Variants in MYO3B observed in about 807,000 individuals in gnomAD.
MYO3B encodes myosin-IIIb.
MYO3B carries 156 observed loss-of-function variants against 174.6 expected under a neutral mutation model. That is an observed-to-expected ratio of 0.89 (90% CI 0.78 to 1.02). The LOEUF (loss-of-function observed/expected upper bound fraction) is 1.02. Among genes scored for constraint, MYO3B ranks in the 50% least tolerant of loss-of-function variants. The pLI is 0.00. For missense variants in MYO3B, 1,632 were observed against 1,639.4 expected (o/e 1.00, Z 0.08); for synonymous variants, 563 against 569.1 (o/e 0.99, Z 0.15).
intron 12 of MYO3B, among the ~76,000 whole-genome samples, chr2:170,385,088 G>A (rs796510299): frequency 1.1e-4 from 16 of 152,108 alleles, no homozygotes; most frequent in African/African-American, 3.9e-4. Context: ...CAGCCAAATA[G>A]AAGAGACACA....
chr2:170,329,139 G>A (rs2093891568), intron 7 of MYO3B, among the ~76,000 whole-genome samples: 1 of 145,764 alleles, frequency 6.9e-6, no homozygotes, highest in African/African-American at 2.8e-5. Flanking sequence ...GCGACTGAGT[G>A]AGACTCTGTC....
At chr2:170,494,352 A>T (rs906606750) in intron 25 of MYO3B, among the ~76,000 whole-genome samples, 2 of 152,228 alleles carry the variant, frequency 1.3e-5, no homozygotes, top group East Asian at 1.9e-4. Flanking sequence ...GTGATAGCTT[A>T]TATGTTTTAA....
At chr2:170,548,865 G>A (rs539784479) in intron 32 of MYO3B, among the ~76,000 whole-genome samples, 5 of 152,142 alleles carry the variant, frequency 3.3e-5, no homozygotes, top group Non-Finnish European at 7.4e-5. Context: ...CAGATTCTCT[G>A]TTTAATTTTT....
At chr2:170,586,288 T>G (rs927971123) in intron 32 of MYO3B, among the ~76,000 whole-genome samples, 28 of 152,324 alleles carry the variant, frequency 1.8e-4, no homozygotes, top group African/African-American at 6.5e-4. Context: ...TGACCTAAAG[T>G]TCACAGGTCC....
chr2:170,332,139 A>C (rs1486919251), intron 7 of MYO3B: 2 of 152,230 alleles, frequency 1.3e-5, no homozygotes, highest in Admixed American at 6.6e-5. Context: ...GGGAGAATGT[A>C]GAATCCAGGT....
chr2:170,221,904 G>T (rs1337635690), intron 6 of MYO3B, among the ~76,000 whole-genome samples: 1 of 152,126 alleles, frequency 6.6e-6, no homozygotes, highest in African/African-American at 2.4e-5. Context: ...TAAACACACT[G>T]TATGTGAGTA....
intron 32 of MYO3B, among the ~76,000 whole-genome samples, chr2:170,638,073 CCACT>C (rs1293946833): frequency 1.4e-5 from 2 of 141,014 alleles, no homozygotes; most frequent in Non-Finnish European, 3.1e-5. Flanking sequence ...TTTTCTATTT[CCACT>C]CAATCTCTCT....
intron 7 of MYO3B, among the ~76,000 whole-genome samples, chr2:170,276,002 G>A (rs1020763010): frequency 6.6e-6 from 1 of 152,202 alleles, no homozygotes; most frequent in African/African-American, 2.4e-5. Flanking sequence ...TGCGATGGCT[G>A]AGGACATTGG....
chr2:170,193,305 A>G (rs1227882188), intron 1 of MYO3B, among the ~76,000 whole-genome samples: 1 of 151,896 alleles, frequency 6.6e-6, no homozygotes, highest in African/African-American at 2.4e-5. Flanking sequence ...ATAACCCTTT[A>G]TGTTCTTTGA....
chr2:170,457,666 C>T (rs190921671), intron 23 of MYO3B, among the ~76,000 whole-genome samples: 102 of 152,262 alleles, frequency 6.7e-4, no homozygotes, highest in Middle Eastern at 3.4e-3. Context: ...TTTTGGAATA[C>T]CTCCTAAAGG....
rs540820009 is a variant in MYO3B at position 170,346,535 on chromosome 2, A to G, written c.815+11085A>G. 2.0e-4 allele frequency: 31 copies of G among 152,100 alleles called. 1 individual carries two copies. In the East Asian group the frequency reaches 3.5e-3, roughly 17 times the overall value. The allele number at this position is 152,100 out of a possible 1,614,324, so 9.4% of individuals were successfully genotyped here. On this transcript the variant is annotated intron_variant, in intron 8 of 34. Transcript: ENST00000408978. Reference sequence around the variant, plus strand: ...TCAAGTATTAATATGAAACCATAAAACCATACTGTATTTTCTTCCCTCCCT... The same window carrying G: ...TCAAGTATTAATATGAAACCATAAAGCCATACTGTATTTTCTTCCCTCCCT...
chr2:170,386,968 G>A (rs971162950), intron 13 of MYO3B, 138 bp from the exon 14 acceptor site: 2 of 708,930 alleles, frequency 2.8e-6, no homozygotes, highest in Non-Finnish European at 2.3e-6. Flanking sequence ...TGATGCTGGT[G>A]GTTGATGCTA....
At chr2:170,472,673 C>CTATT (rs61295158) in intron 25 of MYO3B, among the ~76,000 whole-genome samples, 32,806 of 141,930 alleles carry the variant, frequency 0.23, 3,918 homozygotes, top group Middle Eastern at 0.35. Flanking sequence ...CACTTTTTAT[C>CTATT]TATTTATTTA....
At chr2:170,499,615 A>G in intron 26 of MYO3B, 31 bp from the exon 27 acceptor site, 1 of 1,608,368 alleles carries the variant, frequency 6.2e-7, no homozygotes, top group Non-Finnish European at 8.5e-7. Context: ...AGGAACCCAT[A>G]TGTAATGCTA....
Position 170,369,369 on chromosome 2 carries a change from T to C in MYO3B, c.963T>C (p.Ala321=). The C allele has an allele frequency of 1.2e-6, 2 of 1,613,444 alleles. No homozygotes were observed. The highest frequency in any genetic ancestry group is 1.7e-6 in the Non-Finnish European group (2 of 1,179,518). The change falls in exon 9 of 35, where the codon GCT becomes GCC. Residue 321 remains alanine, a synonymous_variant. Transcript: ENST00000408978. ...LQDQKHQNPV[A]KTRHERMHTR... is the part of the protein sequence containing the mutation. ...ACCAGAAGCATCAAAATCCTGTTGC[T>C]AAAACCAGGTACTGTACTCTCTTTC...
At position 170,383,823 on chromosome 2, in the gene MYO3B, T is replaced by A. The variant is rs1480087952; in HGVS notation, c.1290+9T>A. 1 of 1,597,588 alleles carries A rather than the reference T, an allele frequency of 6.3e-7. No individual in the cohort carries two copies. Among genetic ancestry groups the A allele is most frequent in the South Asian group, 1.1e-5 (1 of 90,644 alleles). Reference sequence around the variant, plus strand: ...CTCTCAGCAAAGACCAGGTAAGAACTCACCTTCCTTTCCTACGGAGTCACC... The same window carrying A: ...CTCTCAGCAAAGACCAGGTAAGAACACACCTTCCTTTCCTACGGAGTCACC... On this transcript the variant is annotated intron_variant, in intron 12 of 34. Coordinates refer to ENST00000408978, the MANE Select transcript of MYO3B (RefSeq NM_138995.5).
At chr2:170,441,243 G>T (rs1574983598) in intron 22 of MYO3B, among the ~76,000 whole-genome samples, 1 of 152,310 alleles carries the variant, frequency 6.6e-6, no homozygotes, top group South Asian at 2.1e-4. Context: ...CCTTTCTGAT[G>T]TGGATGCCTT....
intron 22 of MYO3B, among the ~76,000 whole-genome samples, chr2:170,435,384 C>A (rs1297250877): frequency 6.6e-6 from 1 of 152,160 alleles, no homozygotes; most frequent in African/African-American, 2.4e-5. Context: ...TCAGGTTGAT[C>A]CTTTCCATGG....
intron 7 of MYO3B, among the ~76,000 whole-genome samples, chr2:170,277,590 A>AT (rs1321989961): frequency 6.6e-6 from 1 of 152,174 alleles, no homozygotes; most frequent in Admixed American, 6.5e-5. Context: ...TCATCTATTC[A>AT]TTCAATTTAG....
Sources: gnomAD v4.1 joint callset for allele counts (sites outside exome capture counted in the v4.1 genomes callset) on GRCh38, gnomAD v4.1.1 for gene constraint, MANE v1.5 for transcripts, NCBI Gene and HGNC (gene_info 2026-07-23, HGNC 2026-07-21) for gene names.